GSTA2: variants seen among roughly 807,000 people sequenced by gnomAD.
The protein encoded by GSTA2 is glutathione S-transferase A2.
A neutral mutation model predicts 22.4 loss-of-function variants in GSTA2; 27 were observed. That is an observed-to-expected ratio of 1.21 (90% confidence interval 0.89 to 1.67). The LOEUF is 1.67. Among genes scored for constraint, GSTA2 ranks in the 40% most tolerant of loss-of-function variants. The probability of loss-of-function intolerance (pLI) is 0.00; values close to 1 mark genes in which losing one functional copy is unlikely to be tolerated. For missense variants in GSTA2, 302 were observed against 260.2 expected (o/e 1.16, Z -1.11); for synonymous variants, 121 against 86.8 (o/e 1.39, Z -2.19).
At chr6:52,755,124 CA>C in intron 3 of GSTA2, 49 bp from the exon 4 acceptor site, 1 of 1,592,836 alleles carries the variant, frequency 6.3e-7, no homozygotes, top group East Asian at 2.2e-5. Context: ...TGAAACCCAC[CA>C]TTTCAGGATG....
Position 52,750,833 on chromosome 6 carries a change from CAG to C in GSTA2, c.547-136_547-135del. On this transcript the variant is annotated intron_variant, in intron 6 of 6. Coordinates refer to ENST00000493422, the MANE Select transcript of GSTA2 (RefSeq NM_000846.5). ...GCTTCCACTTGGGTGAAGGCAGAAA[CAG>C]ACACCCAGTGAGAAAGGAAGATAAG... is the stretch of plus-strand genomic sequence containing the variant. 4 of 1,003,022 alleles carry C rather than the reference CAG, an allele frequency of 4.0e-6. No individual in the cohort carries two copies. In the South Asian group the frequency reaches 5.0e-5, roughly 13 times the overall value. 62.1% of individuals were successfully genotyped at this position (1,003,022 alleles called of 1,614,324 possible). A position where few individuals can be genotyped will look rare whatever the true frequency, so the allele number is the denominator to read the frequency against.
chr6:52,755,258 A>G (rs1202075692), intron 3 of GSTA2, among the ~76,000 whole-genome samples, 183 bp from the exon 4 acceptor site: 1 of 143,922 alleles, frequency 6.9e-6, no homozygotes, highest in Non-Finnish European at 1.5e-5. Context: ...TCTGTTGTCC[A>G]GGCTGGAGTG....
At chr6:52,761,013 C>T (rs1762941667) in intron 1 of GSTA2, among the ~76,000 whole-genome samples, 2 of 152,096 alleles carry the variant, frequency 1.3e-5, no homozygotes, top group African/African-American at 4.8e-5. Context: ...TGTTTCTTAT[C>T]AGAGAGAAGG....
In GSTA2 at chr6:52,757,928, AG is replaced by A; in HGVS notation, c.19del (p.Leu7SerfsTer22). 6.2e-7 allele frequency: 1 copy of A among 1,613,590 alleles called. No homozygotes were observed. The highest frequency in any genetic ancestry group is 1.1e-5 in the South Asian group (1 of 91,066). ...TCTGCCCCGTATATTGGAGTAGTGG[AG>A]CTTGGGCTTCTCTGCCATGGTAGCA... MAEKPK[L>X]HYSNIRGRME... is the part of the protein sequence containing the mutation. On this transcript the variant is annotated frameshift_variant, in exon 2 of 7. Coordinates refer to ENST00000493422, the MANE Select transcript of GSTA2 (RefSeq NM_000846.5). LOFTEE classifies it high-confidence loss of function.
intron 4 of GSTA2, among the ~76,000 whole-genome samples, chr6:52,754,396 G>A (rs549956459): frequency 8.5e-5 from 13 of 152,182 alleles, no homozygotes; most frequent in Non-Finnish European, 1.5e-4. Flanking sequence ...TGGCTGTTTC[G>A]GCCTTCTATC....
chr6:52,750,585 T>G lies in GSTA2; in HGVS notation c.661A>C (p.Arg221=). The part of the protein sequence containing the change: ...KSLEESRKIF[R]F ...CCTCTATGGCTGGTTTATTAAAACC[T>G]GAAAATCTTCCTTGATTCTTCTAAA... The change falls in exon 7 of 7, where the codon AGG becomes CGG. Residue 221 remains arginine (R), a synonymous_variant. Transcript: ENST00000493422. 6.2e-7 allele frequency: 1 copy of G among 1,613,862 alleles called. No homozygotes were observed. The highest frequency in any genetic ancestry group is 8.5e-7 in the Non-Finnish European group (1 of 1,179,804).
In GSTA2 at chr6:52,750,303, A is replaced by C. The variant is rs1406954871; in HGVS notation, c.*274T>G. On this transcript the variant is annotated 3_prime_UTR_variant, in exon 7 of 7. Transcript: ENST00000493422. Reference sequence around the variant, plus strand: ...TTCTTGGAAAAGTCAAACAAACCACATAATTTATAGTTTCCATTTTTACTG... The same window carrying C: ...TTCTTGGAAAAGTCAAACAAACCACCTAATTTATAGTTTCCATTTTTACTG... 1 of 289,038 alleles carries C rather than the reference A, an allele frequency of 3.5e-6. No individual in the cohort carries two copies. Among genetic ancestry groups the C allele is most frequent in the African/African-American group, 2.2e-5 (1 of 45,140 alleles). 17.9% of individuals were successfully genotyped at this position (289,038 alleles called of 1,614,324 possible).
At chr6:52,756,930 A>G (rs1451857051) in intron 2 of GSTA2, among the ~76,000 whole-genome samples, 7 of 151,262 alleles carry the variant, frequency 4.6e-5, no homozygotes, top group Non-Finnish European at 1.0e-4. Flanking sequence ...TTTTTAAGGA[A>G]AACCTCTGGT....
At chr6:52,751,090 A>C (rs1762726882) in intron 6 of GSTA2, among the ~76,000 whole-genome samples, 1 of 152,212 alleles carries the variant, frequency 6.6e-6, no homozygotes, top group Non-Finnish European at 1.5e-5. Context: ...AATAGTAAAG[A>C]CAAACCATGG....
chr6:52,755,035 A>C lies in GSTA2; in HGVS notation c.180T>G (p.Ile60Met). 6.2e-7 allele frequency: 1 copy of C among 1,614,118 alleles called. No homozygotes were observed. The highest frequency in any genetic ancestry group is 8.5e-7 in the Non-Finnish European group (1 of 1,180,014). ...LMFQQVPMVEIDGMKLVQTRA... is the reference protein window; with the variant it reads ...LMFQQVPMVEMDGMKLVQTRA... ...TGGTCTGCACCAGCTTCATCCCATC[A>C]ATCTCAACCATTGGCACTTGCTGGA... The change falls in exon 4 of 7, where the codon ATT becomes ATG. Residue 60 changes from isoleucine (I) to methionine (M), a missense_variant. Transcript: ENST00000493422.
chr6:52,757,847 A>T lies in GSTA2; in HGVS notation c.87+14T>A, dbSNP rs747200068. 7 of 1,608,168 alleles carry T rather than the reference A, an allele frequency of 4.4e-6. No homozygotes were observed. In the Admixed American group the frequency reaches 1.0e-4, roughly 23 times the overall value. Reference sequence around the variant, plus strand: ...TCGTAAATCTGACTTAAGATGACCTAACTCAGAACCTACCTCTACTCCAGC... The same window carrying T: ...TCGTAAATCTGACTTAAGATGACCTTACTCAGAACCTACCTCTACTCCAGC... On this transcript the variant is annotated intron_variant, in intron 2 of 6. Transcript: ENST00000493422.
intron 6 of GSTA2, 67 bp downstream of exon 6, chr6:52,751,510 G>T (rs1762734901): frequency 6.2e-7 from 1 of 1,608,306 alleles, no homozygotes; most frequent in Non-Finnish European, 8.5e-7. Flanking sequence ...CAGTCCCAGG[G>T]CCCAGATACA....
At chr6:52,755,577 A>C (rs1762825738) in intron 3 of GSTA2, among the ~76,000 whole-genome samples, 1 of 152,110 alleles carries the variant, frequency 6.6e-6, no homozygotes, top group African/African-American at 2.4e-5. Context: ...TTTAGTTTTT[A>C]TCCATTTATT....
At chr6:52,761,399 TC>T (rs1242961292) in intron 1 of GSTA2, among the ~76,000 whole-genome samples, 3 of 152,196 alleles carry the variant, frequency 2.0e-5, no homozygotes, top group Non-Finnish European at 4.4e-5. Flanking sequence ...TGTATCTATC[TC>T]TCTGTAATCT....
At chr6:52,756,435 G>C in intron 2 of GSTA2, 126 bp from the exon 3 acceptor site, 5 of 738,480 alleles carry the variant, frequency 6.8e-6, no homozygotes, top group South Asian at 6.6e-5. Context: ...AGGGTACACA[G>C]AGGGGGCTAG....
rs1257977253 is a variant in GSTA2, at chr6:52,750,416, A to C, written c.*161T>G. On this transcript the variant is annotated 3_prime_UTR_variant, in exon 7 of 7. Transcript: ENST00000493422. ...TCCTAATGAGAAGAAATCAATTTTAACTAAGTGGGTGAATAGGAGTTGTAT... is the reference window on the plus strand; with the variant it reads ...TCCTAATGAGAAGAAATCAATTTTACCTAAGTGGGTGAATAGGAGTTGTAT... 3 of 612,208 alleles carry C rather than the reference A, an allele frequency of 4.9e-6. No individual in the cohort carries two copies. The highest frequency in any genetic ancestry group is 8.0e-6 in the Non-Finnish European group (3 of 373,278). 37.9% of individuals were successfully genotyped at this position (612,208 alleles called of 1,614,324 possible). A position where few individuals can be genotyped will look rare whatever the true frequency, so the allele number is the denominator to read the frequency against.
At chr6:52,758,689 C>A (rs758783459) in intron 1 of GSTA2, among the ~76,000 whole-genome samples, 9 of 152,198 alleles carry the variant, frequency 5.9e-5, no homozygotes, top group Non-Finnish European at 1.0e-4. Flanking sequence ...CAAATTCTTT[C>A]AAGAGACAGA....
In GSTA2 at chr6:52,750,428, A is replaced by T. The variant is rs2234952; in HGVS notation, c.*149T>A. The T allele has an allele frequency of 4.1e-3, 2,736 of 672,300 alleles. 62 individuals carry two copies. The African/African-American group carries it at 0.046, about 11-fold the overall frequency. 41.6% of individuals were successfully genotyped at this position (672,300 alleles called of 1,614,324 possible). A position where few individuals can be genotyped will look rare whatever the true frequency, so the allele number is the denominator to read the frequency against. ...GAAATCAATTTTAACTAAGTGGGTGAATAGGAGTTGTATTATTTAATTAGC... is the reference window on the plus strand; with the variant it reads ...GAAATCAATTTTAACTAAGTGGGTGTATAGGAGTTGTATTATTTAATTAGC... On this transcript the variant is annotated 3_prime_UTR_variant, in exon 7 of 7. Coordinates refer to ENST00000493422, the MANE Select transcript of GSTA2 (RefSeq NM_000846.5).
At chr6:52,760,074 C>A (rs540970819) in intron 1 of GSTA2, among the ~76,000 whole-genome samples, 15 of 152,186 alleles carry the variant, frequency 9.9e-5, no homozygotes, top group African/African-American at 2.9e-4. Context: ...TATGATAACT[C>A]CAGGAGTAAA....
Sources: gnomAD v4.1 joint callset for allele counts (sites outside exome capture counted in the v4.1 genomes callset) on GRCh38, gnomAD v4.1.1 for gene constraint, MANE v1.5 for transcripts, NCBI Gene and HGNC (gene_info 2026-07-23, HGNC 2026-07-21) for gene names.